The following FAM47E variants were observed in gnomAD, a reference collection of about 807,000 sequenced individuals.
The protein encoded by FAM47E is family with sequence similarity 47 member E.
Under a neutral mutation model 41.6 loss-of-function variants are expected in FAM47E, and 32 were observed. The observed-to-expected ratio is 0.77, with a 90% CI of 0.58 to 1.03. FAM47E has a LOEUF of 1.03. Ranked by LOEUF, FAM47E falls within the 50% of genes least tolerant of loss-of-function variation. The pLI, the probability that FAM47E is intolerant of heterozygous loss-of-function variation, is 0.00. For missense variants in FAM47E, 424 were observed against 485.4 expected, an observed-to-expected ratio of 0.87 and a Z score of 1.19; for synonymous variants, 184 against 188.7, an observed-to-expected ratio of 0.98 and a Z score of 0.20.
upstream of FAM47E, among the ~76,000 whole-genome samples, chr4:76,250,523 A>G (rs1374406791): frequency 6.6e-6 from 1 of 151,982 alleles, no homozygotes; most frequent in Admixed American, 6.5e-5. Flanking sequence ...TACTCTGCTG[A>G]TTATTTCTTT....
At chr4:76,272,176 C>T (rs904328347) in intron 5 of FAM47E, among the ~76,000 whole-genome samples, 1 of 152,226 alleles carries the variant, frequency 6.6e-6, no homozygotes, top group African/African-American at 2.4e-5. Flanking sequence ...CACAAACCAT[C>T]ATTCTTGACC....
chr4:76,273,547 A>G (rs901923254), intron 5 of FAM47E, among the ~76,000 whole-genome samples: 1 of 151,796 alleles, frequency 6.6e-6, no homozygotes, highest in Admixed American at 6.6e-5. Context: ...TGCTTTTAAT[A>G]TTTTCTCTTT....
At chr4:76,224,411 T>G (rs931961033) in intron 2 of FAM47E, among the ~76,000 whole-genome samples, 1 of 152,168 alleles carries the variant, frequency 6.6e-6, no homozygotes, top group African/African-American at 2.4e-5. Flanking sequence ...CTGTCTTTCT[T>G]GATGATTACA....
upstream of FAM47E, among the ~76,000 whole-genome samples, chr4:76,247,647 G>A (rs1733856003): frequency 6.6e-6 from 1 of 152,108 alleles, no homozygotes; most frequent in South Asian, 2.1e-4. Flanking sequence ...CCTAATTGGT[G>A]TGAAGTAGTA....
chr4:76,250,552 T>A (rs978551768), upstream of FAM47E, among the ~76,000 whole-genome samples: 1 of 152,182 alleles, frequency 6.6e-6, no homozygotes, highest in Admixed American at 6.5e-5. Flanking sequence ...AGAAGCTTTT[T>A]AGTTTAATCA....
chr4:76,281,355 T>C (rs1735337948), intron 7 of FAM47E: 1 of 152,126 alleles, frequency 6.6e-6, no homozygotes, highest in Non-Finnish European at 1.5e-5. Context: ...GGAAACTCCA[T>C]TATAGAACTG....
chr4:76,263,081 G>C (rs759584552), intron 2 of FAM47E, among the ~76,000 whole-genome samples: 6 of 151,956 alleles, frequency 3.9e-5, no homozygotes, highest in Non-Finnish European at 7.3e-5. Flanking sequence ...TGTGCTTTTT[G>C]ATTGATTTTG....
chr4:76,243,717 T>A (rs1055809711), intron 2 of FAM47E, among the ~76,000 whole-genome samples: 6 of 152,198 alleles, frequency 3.9e-5, no homozygotes, highest in Non-Finnish European at 8.8e-5. Context: ...TGTTTTTTTG[T>A]TTTAAGTATT....
At chr4:76,253,443 A>G (rs1235706094) in intron 1 of FAM47E, among the ~76,000 whole-genome samples, 1 of 152,192 alleles carries the variant, frequency 6.6e-6, no homozygotes, top group African/African-American at 2.4e-5. Context: ...TATATCATGT[A>G]CTAGTGTCTG....
chr4:76,227,726 C>T (rs1474795307), intron 2 of FAM47E, among the ~76,000 whole-genome samples: 1 of 152,100 alleles, frequency 6.6e-6, no homozygotes, highest in African/African-American at 2.4e-5. Flanking sequence ...TGAGTATATA[C>T]TTAGGATTGT....
chr4:76,262,954 C>T (rs1405246438), intron 2 of FAM47E, among the ~76,000 whole-genome samples: 1 of 151,894 alleles, frequency 6.6e-6, no homozygotes, highest in Non-Finnish European at 1.5e-5. Flanking sequence ...TAAATAGAAA[C>T]AGAGGTCTTG....
chr4:76,240,643 C>T (rs1426596856), intron 2 of FAM47E, among the ~76,000 whole-genome samples: 2 of 152,032 alleles, frequency 1.3e-5, no homozygotes, highest in African/African-American at 4.8e-5. Flanking sequence ...TTTGTTGATT[C>T]TTGTGCTTGC....
chr4:76,259,608 A>T (rs1734323767), intron 2 of FAM47E, among the ~76,000 whole-genome samples: 2 of 152,162 alleles, frequency 1.3e-5, no homozygotes, highest in African/African-American at 4.8e-5. Flanking sequence ...ATTTCTTGGA[A>T]CTCCCAAACC....
chr4:76,216,083 C>T (rs552322875), intron 1 of FAM47E, among the ~76,000 whole-genome samples: 1 of 152,200 alleles, frequency 6.6e-6, no homozygotes, highest in South Asian at 2.1e-4. Context: ...TTCAACTGTC[C>T]CCAGCCTGAT....
upstream of FAM47E, among the ~76,000 whole-genome samples, chr4:76,249,239 C>G (rs1036727674): frequency 6.6e-5 from 10 of 151,896 alleles, no homozygotes; most frequent in African/African-American, 2.4e-4. Context: ...AAAAAGAAAA[C>G]AAAACAAAAC....
intron 2 of FAM47E, among the ~76,000 whole-genome samples, chr4:76,245,090 C>T (rs1733796698): frequency 6.6e-6 from 1 of 152,156 alleles, no homozygotes; most frequent in South Asian, 2.1e-4. Context: ...TTGCCCCCAA[C>T]TCACCAACAC....
chr4:76,214,498 T>G, intron 1 of FAM47E: 1 of 355,648 alleles, frequency 2.8e-6, no homozygotes, highest in Non-Finnish European at 5.6e-6. Context: ...GACTGTAGGC[T>G]CAGGTGTTCA....
intron 2 of FAM47E, among the ~76,000 whole-genome samples, chr4:76,246,458 G>T (rs978525165): frequency 1.3e-4 from 20 of 152,102 alleles, no homozygotes; most frequent in Non-Finnish European, 2.5e-4. Flanking sequence ...GGGCTCCCAG[G>T]AAGCTTGTTT....
At chr4:76,235,571 A>G (rs1485757284) in intron 2 of FAM47E, among the ~76,000 whole-genome samples, 1 of 152,198 alleles carries the variant, frequency 6.6e-6, no homozygotes, top group Non-Finnish European at 1.5e-5. Flanking sequence ...ATAATAATTA[A>G]CTTGTCCAAG....
Sources: gnomAD v4.1 joint callset for allele counts (sites outside exome capture counted in the v4.1 genomes callset) on GRCh38, gnomAD v4.1.1 for gene constraint, MANE v1.5 for transcripts, NCBI Gene and HGNC (gene_info 2026-07-23, HGNC 2026-07-21) for gene names.